The following ICA1L variants were observed in gnomAD, a reference collection of about 807,000 sequenced individuals.
The protein encoded by ICA1L is islet cell autoantigen 1-like protein.
A neutral mutation model predicts 61.3 loss-of-function variants in ICA1L; 50 were observed. The observed-to-expected ratio is 0.82, with a 90% CI of 0.65 to 1.03. The LOEUF (loss-of-function observed/expected upper bound fraction) is 1.03, where lower values mean the gene tolerates loss of function less well. Ranked by LOEUF, ICA1L falls within the 50% of genes least tolerant of loss-of-function variation. The probability of loss-of-function intolerance (pLI) is 0.00; values close to 1 mark genes in which losing one functional copy is unlikely to be tolerated. For missense variants in ICA1L, 508 were observed against 556.7 expected (o/e 0.91, Z 0.88); for synonymous variants, 161 against 191.3 (o/e 0.84, Z 1.31).
rs1206395719 is a variant in ICA1L, at chr2:202,776,263, C to T, written c.*3270G>A. On this transcript the variant is annotated 3_prime_UTR_variant, in exon 13 of 13. Transcript: ENST00000358299. ...ATCTTATTATGCCCTGGTATTCCTG[C>T]GTCTCCTAAAAAATGGTTGTAGACA... 1 of 152,078 alleles carries T rather than the reference C, an allele frequency of 6.6e-6. No individual in the cohort carries two copies. The highest frequency in any genetic ancestry group is 2.4e-5 in the African/African-American group (1 of 41,386). 9.4% of individuals were successfully genotyped at this position (152,078 alleles called of 1,614,324 possible).
At position 202,811,851 on chromosome 2, in the gene ICA1L, C is replaced by T. The variant is rs1019408890; in HGVS notation, c.867-62G>A. 25 of 1,216,988 alleles carry T rather than the reference C, an allele frequency of 2.1e-5. No homozygotes were observed. The African/African-American group carries it at 3.8e-4, about 19-fold the overall frequency. 75.4% of individuals were successfully genotyped at this position (1,216,988 alleles called of 1,614,324 possible). Reference sequence around the variant, plus strand: ...TATAATACACTTGTGATTCATATTCCCCAAACAGTTTTATATGGTTAAAAA... The same window carrying T: ...TATAATACACTTGTGATTCATATTCTCCAAACAGTTTTATATGGTTAAAAA... On this transcript the variant is annotated intron_variant, in intron 8 of 12. Coordinates refer to ENST00000358299, the MANE Select transcript of ICA1L (RefSeq NM_001288622.3).
intron 1 of ICA1L, among the ~76,000 whole-genome samples, chr2:202,867,257 A>G (rs1274156935): frequency 1.3e-5 from 2 of 152,234 alleles, no homozygotes; most frequent in East Asian, 1.9e-4. Context: ...ATATTCATAT[A>G]CAGTCATGCA....
At chr2:202,844,066 G>A (rs1440191883) in intron 1 of ICA1L, among the ~76,000 whole-genome samples, 1 of 152,008 alleles carries the variant, frequency 6.6e-6, no homozygotes, top group Non-Finnish European at 1.5e-5. Context: ...TGGGACTATT[G>A]TAAATAAGGC....
Position 202,798,412 on chromosome 2 carries a change from T to A in ICA1L, c.911-1448A>T, listed in dbSNP as rs575528326. Among the ~76,000 whole-genome samples, 12 of 152,252 alleles carry A rather than the reference T, an allele frequency of 7.9e-5. No individual in the cohort carries two copies. The South Asian group carries it at 2.3e-3, about 29-fold the overall frequency. On this transcript the variant is annotated intron_variant, in intron 9 of 12. Transcript: ENST00000358299. ...TGTCACCATACCTGAATAATTTTTT[T>A]AAATTTTTTGTAGAAACAGGGTCTC...
intron 2 of ICA1L, among the ~76,000 whole-genome samples, chr2:202,828,387 A>T (rs1056350405): frequency 2.0e-5 from 3 of 152,186 alleles, no homozygotes; most frequent in African/African-American, 4.8e-5. Flanking sequence ...AATAAAAAAC[A>T]GCCAAAAAAG....
At chr2:202,783,477 C>T (rs967005051) in intron 12 of ICA1L, among the ~76,000 whole-genome samples, 21 of 152,282 alleles carry the variant, frequency 1.4e-4, no homozygotes, top group Middle Eastern at 3.4e-3. Context: ...TGCCAAAATG[C>T]ATAACCTGGG....
intron 10 of ICA1L, among the ~76,000 whole-genome samples, chr2:202,795,004 A>C (rs1692879198): frequency 2.8e-5 from 1 of 35,118 alleles, no homozygotes; most frequent in Admixed American, 4.3e-4. Context: ...AGCTAAGAAA[A>C]TAATAAAAAA....
In ICA1L at chr2:202,788,929, G is replaced by C. The variant is rs1474974420; in HGVS notation, c.1144C>G (p.Gln382Glu). The C allele has an allele frequency of 6.2e-7, 1 of 1,614,142 alleles. No homozygotes were observed. Among genetic ancestry groups the C allele is most frequent in the East Asian group, 2.2e-5 (1 of 44,872 alleles). The stretch of plus-strand genomic sequence containing the variant: ...GGCTCAGACCCCATGGAAGGCTCCT[G>C]GGATGTGAGACTGGCACTGGGGCTC... ...FGSPSASLTS[Q>E]EPSMGSEPLA... Residue 382 changes from glutamine to glutamate, a missense_variant, in exon 11 of 13, where the codon CAG (glutamine) becomes GAG (glutamate). Coordinates refer to ENST00000358299, the MANE Select transcript of ICA1L (RefSeq NM_001288622.3).
intron 3 of ICA1L, 34 bp downstream of exon 3, chr2:202,825,661 G>T: frequency 7.2e-7 from 1 of 1,386,108 alleles, no homozygotes; most frequent in South Asian, 1.3e-5. Flanking sequence ...TATTTTAAAT[G>T]GGGATTATCA....
intron 11 of ICA1L, among the ~76,000 whole-genome samples, chr2:202,787,225 G>C (rs1692614570): frequency 6.6e-6 from 1 of 152,190 alleles, no homozygotes. Context: ...CAACTGTTCA[G>C]CTATTAAATG....
At chr2:202,857,546 C>A (rs1333599928) in intron 1 of ICA1L, among the ~76,000 whole-genome samples, 1 of 152,002 alleles carries the variant, frequency 6.6e-6, no homozygotes, top group Non-Finnish European at 1.5e-5. Context: ...AGGCAATAAC[C>A]TTCAGGACAT....
At chr2:202,866,629 C>T (rs1009509566) in intron 1 of ICA1L, among the ~76,000 whole-genome samples, 1 of 152,136 alleles carries the variant, frequency 6.6e-6, no homozygotes, top group Non-Finnish European at 1.5e-5. Flanking sequence ...AAATGTGTAA[C>T]AGACTTAAAT....
At chr2:202,812,190 G>T (rs1376303188) in intron 8 of ICA1L, among the ~76,000 whole-genome samples, 2 of 152,222 alleles carry the variant, frequency 1.3e-5, no homozygotes, top group African/African-American at 2.4e-5. Context: ...ACAATGAAGT[G>T]ATGTTTGCAA....
At chr2:202,842,648 T>C (rs1475560827) in intron 1 of ICA1L, among the ~76,000 whole-genome samples, 1 of 152,240 alleles carries the variant, frequency 6.6e-6, no homozygotes, top group Non-Finnish European at 1.5e-5. Flanking sequence ...TTGAATCTGA[T>C]TGGAGACCTT....
chr2:202,816,153 A>C lies in ICA1L; in HGVS notation c.685-144T>G, dbSNP rs1166789042. On this transcript the variant is annotated intron_variant, in intron 6 of 12. Transcript: ENST00000358299. ...AAATTCAATTTTCCAAGTTTAGGGAACCATAAAGCACTGCAAATAGTACTT... is the reference window on the plus strand; with the variant it reads ...AAATTCAATTTTCCAAGTTTAGGGACCCATAAAGCACTGCAAATAGTACTT... The C allele has an allele frequency of 7.4e-6, 4 of 541,320 alleles. No homozygotes were observed. In the East Asian group the frequency reaches 1.3e-4, roughly 18 times the overall value. The allele number at this position is 541,320 out of a possible 1,614,324, so 33.5% of individuals were successfully genotyped here.
chr2:202,853,418 T>G (rs1694686092), intron 1 of ICA1L, among the ~76,000 whole-genome samples: 3 of 150,000 alleles, frequency 2.0e-5, no homozygotes. Context: ...GAAGAAAACC[T>G]AGGCCATACC....
intron 2 of ICA1L, among the ~76,000 whole-genome samples, chr2:202,827,265 G>C (rs1175754042): frequency 6.6e-6 from 1 of 152,088 alleles, no homozygotes; most frequent in East Asian, 1.9e-4. Flanking sequence ...ATGGTGGCAG[G>C]CTCCTGTAAT....
chr2:202,862,575 G>A (rs1166153725), intron 1 of ICA1L, among the ~76,000 whole-genome samples: 1 of 152,172 alleles, frequency 6.6e-6, no homozygotes, highest in African/African-American at 2.4e-5. Flanking sequence ...GGTGGCTCAC[G>A]CCTGTAATCC....
intron 1 of ICA1L, among the ~76,000 whole-genome samples, chr2:202,859,511 A>G (rs891117362): frequency 1.2e-4 from 18 of 152,348 alleles, no homozygotes; most frequent in African/African-American, 4.3e-4. Flanking sequence ...CATAACATCA[A>G]TAAGACATTG....
Sources: gnomAD v4.1 joint callset for allele counts (sites outside exome capture counted in the v4.1 genomes callset) on GRCh38, gnomAD v4.1.1 for gene constraint, MANE v1.5 for transcripts, NCBI Gene and HGNC (gene_info 2026-07-23, HGNC 2026-07-21) for gene names.